Variants in MNAT1 observed in about 807,000 individuals in gnomAD.
The protein encoded by MNAT1 is MNAT1 component of CDK activating kinase.
Under a neutral mutation model 42.0 loss-of-function variants are expected in MNAT1, and 43 were observed. That is an observed-to-expected ratio of 1.02 (90% CI 0.80 to 1.32). MNAT1 has a LOEUF of 1.32. Among genes scored for constraint, MNAT1 ranks in the 40% most tolerant of loss-of-function variants. The pLI is 0.00. For missense variants in MNAT1, 306 were observed against 350.4 expected, an observed-to-expected ratio of 0.87 and a Z score of 1.01; for synonymous variants, 118 against 120.0, an observed-to-expected ratio of 0.98 and a Z score of 0.11.
intron 1 of MNAT1, among the ~76,000 whole-genome samples, chr14:60,755,755 G>C (rs1369281608): frequency 6.6e-6 from 1 of 152,096 alleles, no homozygotes; most frequent in Non-Finnish European, 1.5e-5. Flanking sequence ...GAAGTAATTG[G>C]CTCTTGTTTT....
intron 7 of MNAT1, among the ~76,000 whole-genome samples, chr14:60,891,442 T>C (rs2034841284): frequency 6.6e-6 from 1 of 152,066 alleles, no homozygotes; most frequent in Admixed American, 6.6e-5. Context: ...TTTAAGACTT[T>C]TCTTGTTTTG....
intron 6 of MNAT1, among the ~76,000 whole-genome samples, chr14:60,846,981 T>G (rs2033698153): frequency 6.6e-6 from 1 of 152,254 alleles, no homozygotes; most frequent in Non-Finnish European, 1.5e-5. Flanking sequence ...TCTCTCTCAA[T>G]TCTGTCCAGC....
intron 6 of MNAT1, among the ~76,000 whole-genome samples, chr14:60,822,062 G>A (rs544304603): frequency 6.6e-6 from 1 of 152,112 alleles, no homozygotes; most frequent in South Asian, 2.1e-4. Context: ...CTTCTTCTGT[G>A]TTCTTATCTT....
intron 6 of MNAT1, among the ~76,000 whole-genome samples, chr14:60,834,635 T>G (rs1197997155): frequency 6.6e-6 from 1 of 152,220 alleles, no homozygotes; most frequent in Non-Finnish European, 1.5e-5. Context: ...GTAGATTCTG[T>G]TGACTTGAGG....
intron 1 of MNAT1, among the ~76,000 whole-genome samples, chr14:60,762,705 C>CAAAAAA (rs33957783): frequency 1.1e-5 from 1 of 94,764 alleles, no homozygotes; most frequent in Non-Finnish European, 1.9e-5. Context: ...GACTCTGTCT[C>CAAAAAA]AAAAAAAAAA....
intron 6 of MNAT1, among the ~76,000 whole-genome samples, chr14:60,820,193 C>G (rs1353075723): frequency 6.6e-6 from 1 of 151,878 alleles, no homozygotes; most frequent in African/African-American, 2.4e-5. Context: ...AGAATAAAGT[C>G]TAGTATTCAG....
At chr14:60,926,577 G>A (rs756845778) in intron 7 of MNAT1, among the ~76,000 whole-genome samples, 1 of 152,184 alleles carries the variant, frequency 6.6e-6, no homozygotes, top group Non-Finnish European at 1.5e-5. Context: ...ATATTACAGA[G>A]GATATACGTG....
intron 6 of MNAT1, among the ~76,000 whole-genome samples, chr14:60,873,870 T>C (rs117587889): frequency 0.012 from 1,810 of 152,310 alleles, 20 homozygotes; most frequent in Middle Eastern, 0.048. Flanking sequence ...GCACACTGTT[T>C]TATGTTATAA....
At chr14:60,887,685 A>T (rs181284966) in intron 7 of MNAT1, among the ~76,000 whole-genome samples, 69 of 152,114 alleles carry the variant, frequency 4.5e-4, no homozygotes, top group Non-Finnish European at 4.4e-5. Flanking sequence ...GATCCACAAA[A>T]TTGATAGACC....
At chr14:60,746,923 T>TAC (rs61278549) in intron 1 of MNAT1, among the ~76,000 whole-genome samples, 2 of 25,820 alleles carry the variant, frequency 7.7e-5, no homozygotes, top group African/African-American at 3.5e-4. Flanking sequence ...TATATATATA[T>TAC]ACACACACAC....
intron 7 of MNAT1, among the ~76,000 whole-genome samples, chr14:60,952,448 G>A (rs766039600): frequency 1.3e-5 from 2 of 152,166 alleles, no homozygotes; most frequent in Non-Finnish European, 2.9e-5. Flanking sequence ...ATTCACATTA[G>A]TCTGTGAAAG....
chr14:60,838,861 C>T (rs2033468636), intron 6 of MNAT1, among the ~76,000 whole-genome samples: 1 of 152,268 alleles, frequency 6.6e-6, no homozygotes, highest in South Asian at 2.1e-4. Flanking sequence ...GCAAGTTGGG[C>T]CAAGCCTGGG....
intron 6 of MNAT1, among the ~76,000 whole-genome samples, chr14:60,862,982 T>C (rs916118030): frequency 1.3e-5 from 2 of 152,048 alleles, no homozygotes; most frequent in Non-Finnish European, 2.9e-5. Flanking sequence ...TGAGTTTTAA[T>C]AAAAATATGG....
chr14:60,837,720 T>C (rs536130894), intron 6 of MNAT1, among the ~76,000 whole-genome samples: 1 of 152,358 alleles, frequency 6.6e-6, no homozygotes, highest in East Asian at 1.9e-4. Flanking sequence ...GATGCTGCCA[T>C]GGTAGTTTGG....
At chr14:60,911,184 T>A (rs2035348590) in intron 7 of MNAT1, among the ~76,000 whole-genome samples, 1 of 152,162 alleles carries the variant, frequency 6.6e-6, no homozygotes, top group African/African-American at 2.4e-5. Flanking sequence ...CCTTTGTCAT[T>A]TTTTATTGCG....
intron 5 of MNAT1, among the ~76,000 whole-genome samples, chr14:60,814,683 G>A (rs1238704917): frequency 6.6e-6 from 1 of 152,046 alleles, no homozygotes; most frequent in Non-Finnish European, 1.5e-5. Context: ...GAAACTAAAG[G>A]AAAAATAAGG....
chr14:60,888,919 C>G (rs533961160), intron 7 of MNAT1, among the ~76,000 whole-genome samples: 33 of 141,446 alleles, frequency 2.3e-4, no homozygotes, highest in South Asian at 1.2e-3. Flanking sequence ...TCAAGGAGAA[C>G]TACAAACCAC....
intron 7 of MNAT1, among the ~76,000 whole-genome samples, chr14:60,930,735 GAA>G (rs2035867231): frequency 6.6e-6 from 1 of 152,130 alleles, no homozygotes; most frequent in Non-Finnish European, 1.5e-5. Flanking sequence ...TGCCTTGAGG[GAA>G]ATGTAAGTAG....
intron 6 of MNAT1, among the ~76,000 whole-genome samples, chr14:60,827,096 A>G (rs1331012475): frequency 1.3e-5 from 2 of 152,328 alleles, no homozygotes; most frequent in African/African-American, 4.8e-5. Context: ...ATGTCAAAAG[A>G]TAATTGTTTT....
Sources: gnomAD v4.1 joint callset for allele counts (sites outside exome capture counted in the v4.1 genomes callset) on GRCh38, gnomAD v4.1.1 for gene constraint, MANE v1.5 for transcripts, NCBI Gene and HGNC (gene_info 2026-07-23, HGNC 2026-07-21) for gene names.